Variants in ACAP2 observed in about 807,000 individuals in gnomAD.
ACAP2 encodes the protein ArfGAP with coiled-coil, ankyrin repeat and PH domains 2, also known as arf-GAP with coiled-coil, ANK repeat and PH domain-containing protein 2.
A neutral mutation model predicts 115.8 loss-of-function variants in ACAP2; 39 were observed. That is an observed-to-expected ratio of 0.34 (90% confidence interval 0.26 to 0.44). ACAP2 has a LOEUF of 0.44. ACAP2 is among the 20% of genes least tolerant of loss of function. ACAP2 has a pLI of 1.00. For missense variants in ACAP2, 662 were observed against 927.6 expected (o/e 0.71, Z 3.72); for synonymous variants, 289 against 315.8 (o/e 0.92, Z 0.90).
At chr3:195,310,478 T>C (rs569966817) in intron 10 of ACAP2, among the ~76,000 whole-genome samples, 2 of 152,360 alleles carry the variant, frequency 1.3e-5, no homozygotes, top group South Asian at 4.1e-4. Flanking sequence ...CAATCTCTGA[T>C]ACTGATGAAA....
At chr3:195,375,410 G>A (rs1420889882) in intron 4 of ACAP2, among the ~76,000 whole-genome samples, 6 of 148,308 alleles carry the variant, frequency 4.0e-5, no homozygotes, top group African/African-American at 1.5e-4. Context: ...CATGAAATGA[G>A]ATGACTTGTG....
rs530219179 is a variant in ACAP2, at chr3:195,321,083, CAG to C, written c.745-272_745-271del. ...TAATTATATAGAATATAGTGCAAAA[CAG>C]AAAATAAATCAATATAAACTATATA... On this transcript the variant is annotated intron_variant, in intron 9 of 22. Coordinates refer to ENST00000326793, the MANE Select transcript of ACAP2 (RefSeq NM_012287.6). 1.5e-3 allele frequency among the ~76,000 whole-genome samples: 220 copies of C among 151,470 alleles called. 1 individual carries two copies. Among genetic ancestry groups the C allele is most frequent in the African/African-American group, 4.8e-3 (197 of 41,266 alleles).
At chr3:195,416,641 T>A (rs1173122992) in intron 1 of ACAP2, among the ~76,000 whole-genome samples, 2 of 152,158 alleles carry the variant, frequency 1.3e-5, no homozygotes, top group Admixed American at 1.3e-4. Flanking sequence ...ACAGTGTTCA[T>A]TTTTCACAAA....
rs957189168 is a variant in ACAP2, at chr3:195,351,380, G to A, written c.286-6063C>T. On this transcript the variant is annotated intron_variant, in intron 4 of 22. Transcript: ENST00000326793. ...GATCCGCCCGCCTCAGCCTTCCAAA[G>A]GGCTGGGATTACAGGCGTGAGTCAC... 2.0e-5 allele frequency among the ~76,000 whole-genome samples: 3 copies of A among 151,844 alleles called. No homozygotes were observed. In the South Asian group the frequency reaches 6.2e-4, roughly 31 times the overall value.
At chr3:195,311,258 T>A (rs2108999888) in intron 10 of ACAP2, among the ~76,000 whole-genome samples, 1 of 151,950 alleles carries the variant, frequency 6.6e-6, no homozygotes, top group East Asian at 1.9e-4. Flanking sequence ...CACCACACCC[T>A]GCTAATTTTT....
intron 10 of ACAP2, among the ~76,000 whole-genome samples, chr3:195,313,147 T>G (rs12488979): frequency 0.021 from 3,269 of 152,368 alleles, 116 homozygotes; most frequent in East Asian, 0.1. Flanking sequence ...TGCATTTTAT[T>G]AACTTTTTAT....
intron 5 of ACAP2, among the ~76,000 whole-genome samples, chr3:195,344,788 G>A (rs1309656925): frequency 6.6e-6 from 1 of 152,128 alleles, no homozygotes; most frequent in East Asian, 1.9e-4. Flanking sequence ...CAAAGTGCTG[G>A]GATTACAGGC....
intron 22 of ACAP2, among the ~76,000 whole-genome samples, chr3:195,284,129 G>C (rs1158922729): frequency 6.6e-6 from 1 of 152,154 alleles, no homozygotes; most frequent in Admixed American, 6.5e-5. Context: ...TCAGCTGGGT[G>C]AACTTCATCA....
intron 4 of ACAP2, among the ~76,000 whole-genome samples, chr3:195,380,367 T>C (rs1431961289): frequency 6.6e-6 from 1 of 152,226 alleles, no homozygotes; most frequent in Non-Finnish European, 1.5e-5. Flanking sequence ...CTAATAAATT[T>C]TAAAGCACTG....
At chr3:195,347,445 A>G (rs1000622343) in intron 4 of ACAP2, among the ~76,000 whole-genome samples, 1 of 152,208 alleles carries the variant, frequency 6.6e-6, no homozygotes, top group African/African-American at 2.4e-5. Flanking sequence ...ACATACACAC[A>G]CAGACACACA....
chr3:195,385,031 C>G (rs1734202004), intron 2 of ACAP2, among the ~76,000 whole-genome samples: 1 of 152,010 alleles, frequency 6.6e-6, no homozygotes, highest in African/African-American at 2.4e-5. Flanking sequence ...AACTTAACCT[C>G]AACAAACTTC....
intron 21 of ACAP2, among the ~76,000 whole-genome samples, chr3:195,287,010 G>A (rs1726887016): frequency 6.6e-6 from 1 of 152,298 alleles, no homozygotes; most frequent in East Asian, 1.9e-4. Flanking sequence ...GTGGGGAAAG[G>A]ATCTGAGAAA....
At chr3:195,346,469 A>G (rs2108657837) in intron 4 of ACAP2, among the ~76,000 whole-genome samples, 1 of 152,326 alleles carries the variant, frequency 6.6e-6, no homozygotes, top group Admixed American at 6.5e-5. Flanking sequence ...CTGTGAAGCT[A>G]AGAAACAACT....
intron 4 of ACAP2, among the ~76,000 whole-genome samples, chr3:195,364,615 A>T (rs574438247): frequency 1.3e-5 from 2 of 152,338 alleles, no homozygotes; most frequent in Admixed American, 1.3e-4. Context: ...TATCCAAAAA[A>T]CAAGCAATTA....
In ACAP2 at chr3:195,275,539, G is replaced by A. The variant is rs1204681451; in HGVS notation, c.*3789C>T. On this transcript the variant is annotated 3_prime_UTR_variant, in exon 23 of 23. Transcript: ENST00000326793. ...TGGAGTCTTTGTTATCAAAGCACAAGGAAAGCTGGCATTCATTATCAGACT... is the reference window on the plus strand; with the variant it reads ...TGGAGTCTTTGTTATCAAAGCACAAAGAAAGCTGGCATTCATTATCAGACT... 6.6e-6 allele frequency: 1 copy of A among 152,142 alleles called. No individual in the cohort carries two copies. Among genetic ancestry groups the A allele is most frequent in the African/African-American group, 2.4e-5 (1 of 41,426 alleles). The allele number at this position is 152,142 out of a possible 1,614,324, so 9.4% of individuals were successfully genotyped here. A position where few individuals can be genotyped will look rare whatever the true frequency, so the allele number is the denominator to read the frequency against.
At chr3:195,314,609 G>A (rs762099338) in intron 10 of ACAP2, among the ~76,000 whole-genome samples, 18 of 152,026 alleles carry the variant, frequency 1.2e-4, no homozygotes, top group Middle Eastern at 3.2e-3. Context: ...AAGACTCTAC[G>A]CAATAATTCC....
At chr3:195,421,901 T>C (rs12487670) in intron 1 of ACAP2, among the ~76,000 whole-genome samples, 3,249 of 152,310 alleles carry the variant, frequency 0.021, 113 homozygotes, top group East Asian at 0.1. Context: ...TGCTATGAAT[T>C]CTTTTCCTAA....
chr3:195,368,535 A>G (rs1447923058), intron 4 of ACAP2, among the ~76,000 whole-genome samples: 2 of 152,146 alleles, frequency 1.3e-5, no homozygotes, highest in African/African-American at 4.8e-5. Context: ...ATCCAAAACT[A>G]TATTTTACCA....
chr3:195,351,440 TCGTGTGTG>T (rs1382880851), intron 4 of ACAP2, among the ~76,000 whole-genome samples: 12 of 99,654 alleles, frequency 1.2e-4, no homozygotes, highest in Non-Finnish European at 1.3e-4. Flanking sequence ...TTTTTCTTTT[TCGTGTGTG>T]TGTGTGTGTG....
Sources: gnomAD v4.1 joint callset for allele counts (sites outside exome capture counted in the v4.1 genomes callset) on GRCh38, gnomAD v4.1.1 for gene constraint, MANE v1.5 for transcripts, NCBI Gene and HGNC (gene_info 2026-07-23, HGNC 2026-07-21) for gene names.